The following SGCD variants were observed in gnomAD, a reference collection of about 807,000 sequenced individuals.
SGCD encodes sarcoglycan delta, also known as delta-sarcoglycan.
SGCD carries 18 observed loss-of-function variants against 36.6 expected under a neutral mutation model. That is an observed-to-expected ratio of 0.49 (90% CI 0.34 to 0.73). The LOEUF (loss-of-function observed/expected upper bound fraction) is 0.73, where lower values mean the gene tolerates loss of function less well. SGCD is among the 30% of genes least tolerant of loss of function. SGCD has a pLI of 0.01. For missense variants in SGCD, 387 were observed against 346.7 expected, an observed-to-expected ratio of 1.12 and a Z score of -0.92; for synonymous variants, 133 against 130.6, an observed-to-expected ratio of 1.02 and a Z score of -0.12.
chr5:156,363,790 T>C (rs1250927597), intron 3 of SGCD, among the ~76,000 whole-genome samples: 1 of 152,250 alleles, frequency 6.6e-6, no homozygotes, highest in African/African-American at 2.4e-5. Context: ...ACATATAGAT[T>C]GAAATTGATT....
chr5:156,553,163 G>A (rs1334073827), intron 4 of SGCD, among the ~76,000 whole-genome samples: 1 of 152,144 alleles, frequency 6.6e-6, no homozygotes, highest in Non-Finnish European at 1.5e-5. Flanking sequence ...AGCAGAGTGA[G>A]AAGTCACTCA....
At chr5:155,879,041 G>A (rs1755821543) in intron 1 of SGCD, among the ~76,000 whole-genome samples, 1 of 151,874 alleles carries the variant, frequency 6.6e-6, no homozygotes, top group Admixed American at 6.6e-5. Context: ...CAGTACTCAA[G>A]AGGAAATAGC....
intron 4 of SGCD, among the ~76,000 whole-genome samples, chr5:156,549,751 A>G (rs1758717638): frequency 6.6e-6 from 1 of 152,200 alleles, no homozygotes; most frequent in Non-Finnish European, 1.5e-5. Flanking sequence ...GCCTAAACTC[A>G]CAGAGTCAAT....
Position 156,508,592 on chromosome 5 carries a change from C to G in SGCD, c.193-9C>G, listed in dbSNP as rs1479077458. On this transcript the variant is annotated splice_polypyrimidine_tract_variant and intron_variant, in intron 3 of 8. Coordinates refer to ENST00000337851, the MANE Select transcript of SGCD (RefSeq NM_000337.6). Reference sequence around the variant, plus strand: ...ATATCTTCCTTGTTATCTCTGTGTTCTATTTCAGGATGGAATGGGAAACCT... The same window carrying G: ...ATATCTTCCTTGTTATCTCTGTGTTGTATTTCAGGATGGAATGGGAAACCT... 4.5e-6 allele frequency: 7 copies of G among 1,562,306 alleles called. No homozygotes were observed. The highest frequency in any genetic ancestry group is 6.2e-6 in the Non-Finnish European group (7 of 1,133,914).
At chr5:156,514,943 C>T (rs1481363282) in intron 4 of SGCD, among the ~76,000 whole-genome samples, 1 of 152,186 alleles carries the variant, frequency 6.6e-6, no homozygotes, top group Non-Finnish European at 1.5e-5. Flanking sequence ...CCTTCATCTC[C>T]TTCTGACAAT....
chr5:156,048,393 G>A (rs1164233055), intron 1 of SGCD, among the ~76,000 whole-genome samples: 9 of 152,238 alleles, frequency 5.9e-5, no homozygotes, highest in African/African-American at 9.6e-5. Context: ...CTGAGGAATC[G>A]CCACACTGAC....
chr5:155,831,795 T>C, the SGCD span, among the ~76,000 whole-genome samples: 1 of 152,202 alleles, frequency 6.6e-6, no homozygotes. Context: ...AGAGCGGATA[T>C]GAGTGGTGCT....
intron 7 of SGCD, among the ~76,000 whole-genome samples, chr5:156,674,579 A>G (rs1753434265): frequency 6.6e-6 from 1 of 152,150 alleles, no homozygotes; most frequent in African/African-American, 2.4e-5. Flanking sequence ...CTATCATAGG[A>G]AGACTATCAT....
At position 156,313,404 on chromosome 5, in the gene SGCD, A is replaced by G. The variant is rs113639117; in HGVS notation, c.-43-16130A>G. On this transcript the variant is annotated intron_variant, in intron 3 of 9. Transcript: ENST00000517913. The stretch of plus-strand genomic sequence containing the variant: ...TGCTTTTTCTCTGGAAGTAGTTGTC[A>G]ACATCATTTTTTGATTTTGTGTGTG... Among the ~76,000 whole-genome samples the G allele has an allele frequency of 2.9e-3, 438 of 151,904 alleles. 4 individuals are homozygous for G. Among genetic ancestry groups the G allele is most frequent in the African/African-American group, 1.0e-2 (414 of 41,458 alleles).
Position 156,594,990 on chromosome 5 carries a change from A to C in SGCD, c.441A>C (p.Lys147Asn). 1 of 1,612,720 alleles carries C rather than the reference A, an allele frequency of 6.2e-7. No homozygotes were observed. The highest frequency in any genetic ancestry group is 8.5e-7 in the Non-Finnish European group (1 of 1,179,132). ...TTGAGGTAAAAACTGTTTCTGGAAA[A>C]TTGCTCTTCTCTGCAGACAATAATG... is the stretch of plus-strand genomic sequence containing the variant. ...KKFEVKTVSG[K>N]LLFSADNNEV... Residue 147 changes from lysine (K) to asparagine (N), a missense_variant, in exon 6 of 9, where the codon AAA becomes AAC. Coordinates refer to ENST00000337851, the MANE Select transcript of SGCD (RefSeq NM_000337.6).
chr5:156,245,943 G>A (rs1765428174), intron 3 of SGCD, among the ~76,000 whole-genome samples: 1 of 152,120 alleles, frequency 6.6e-6, no homozygotes, highest in Non-Finnish European at 1.5e-5. Flanking sequence ...CTTCATTAAT[G>A]CAAGAAAATG....
chr5:156,470,640 C>G (rs1453902491), intron 3 of SGCD, among the ~76,000 whole-genome samples: 2 of 152,150 alleles, frequency 1.3e-5, no homozygotes, highest in Non-Finnish European at 2.9e-5. Context: ...TTTTTTCTAT[C>G]ATTTCTTTTG....
intron 3 of SGCD, among the ~76,000 whole-genome samples, chr5:156,147,588 A>G (rs1762735101): frequency 6.6e-6 from 1 of 152,188 alleles, no homozygotes; most frequent in Non-Finnish European, 1.5e-5. Flanking sequence ...AATTGTCAGG[A>G]TGTTTGTTGA....
At chr5:156,506,368 G>GAC (rs147030455) in intron 3 of SGCD, among the ~76,000 whole-genome samples, 2,285 of 150,006 alleles carry the variant, frequency 0.015, 51 homozygotes, top group African/African-American at 0.051. Flanking sequence ...CACACACACA[G>GAC]ACACACACAC....
At chr5:156,583,165 T>C (rs1455313991) in intron 4 of SGCD, among the ~76,000 whole-genome samples, 3 of 152,198 alleles carry the variant, frequency 2.0e-5, no homozygotes, top group African/African-American at 7.2e-5. Context: ...AAAGACATGA[T>C]GTAGGATTGA....
At chr5:156,128,659 T>A (rs1038692660) in intron 3 of SGCD, among the ~76,000 whole-genome samples, 1 of 152,164 alleles carries the variant, frequency 6.6e-6, no homozygotes, top group Non-Finnish European at 1.5e-5. Context: ...GAGTGAGTTC[T>A]CACGAGCTCT....
intron 1 of SGCD, among the ~76,000 whole-genome samples, chr5:156,103,336 A>C (rs1761566311): frequency 1.5e-5 from 2 of 130,876 alleles, no homozygotes; most frequent in South Asian, 4.5e-4. Flanking sequence ...GATGATGGTG[A>C]TGAATTACTT....
intron 4 of SGCD, among the ~76,000 whole-genome samples, chr5:156,521,484 C>T (rs890041200): frequency 6.6e-6 from 1 of 152,070 alleles, no homozygotes; most frequent in Non-Finnish European, 1.5e-5. Flanking sequence ...TCAGAGTCTA[C>T]AAGAAACTTA....
chr5:155,791,344 A>G, the SGCD span, among the ~76,000 whole-genome samples: 1 of 152,106 alleles, frequency 6.6e-6, no homozygotes, highest in African/African-American at 2.4e-5. Flanking sequence ...CCTCTCGAGA[A>G]CTGAAACAAA....
Sources: gnomAD v4.1 joint callset for allele counts (sites outside exome capture counted in the v4.1 genomes callset) on GRCh38, gnomAD v4.1.1 for gene constraint, MANE v1.5 for transcripts, NCBI Gene and HGNC (gene_info 2026-07-23, HGNC 2026-07-21) for gene names.